The following CLIC5 variants were observed in gnomAD, a reference collection of about 807,000 sequenced individuals.
The protein encoded by CLIC5 is CLIC family member 5.
CLIC5 carries 20 observed loss-of-function variants against 24.7 expected under a neutral mutation model. The observed-to-expected ratio is 0.81, with a 90% confidence interval of 0.57 to 1.18. The LOEUF is 1.18. CLIC5 is among the 50% of genes most tolerant of loss of function. CLIC5 has a pLI of 0.00. For synonymous variants in CLIC5, 159 were observed against 135.6 expected, an observed-to-expected ratio of 1.17 and a Z score of -1.20; for missense variants, 341 against 326.1, an observed-to-expected ratio of 1.05 and a Z score of -0.35.
intron 1 of CLIC5, among the ~76,000 whole-genome samples, chr6:46,072,966 G>A (rs1346676996): frequency 1.3e-5 from 2 of 152,124 alleles, no homozygotes; most frequent in Non-Finnish European, 1.5e-5. Context: ...CCCAGGCTAG[G>A]AATGCCGATA....
the CLIC5 span, chr6:46,097,268 T>C: frequency 6.6e-6 from 1 of 152,208 alleles, no homozygotes; most frequent in African/African-American, 2.4e-5. Flanking sequence ...TAGCAAATGT[T>C]TATTGTAGAA....
intron 1 of CLIC5, among the ~76,000 whole-genome samples, chr6:45,994,770 C>T (rs1766068362): frequency 6.6e-6 from 1 of 152,162 alleles, no homozygotes; most frequent in Non-Finnish European, 1.5e-5. Context: ...GTGCCTACAC[C>T]TTTGACCTCC....
At chr6:45,924,363 G>A (rs1329423518) in intron 4 of CLIC5, among the ~76,000 whole-genome samples, 2 of 152,098 alleles carry the variant, frequency 1.3e-5, no homozygotes, top group African/African-American at 2.4e-5. Flanking sequence ...TATGCTACAA[G>A]TACACCTGGA....
chr6:46,103,922 G>A, the CLIC5 span, among the ~76,000 whole-genome samples: 1 of 152,066 alleles, frequency 6.6e-6, no homozygotes, highest in Admixed American at 6.6e-5. Flanking sequence ...CCCAGCCTCT[G>A]TTTGTCTCTC....
chr6:46,068,908 A>C (rs1762514227), intron 1 of CLIC5, among the ~76,000 whole-genome samples: 1 of 152,104 alleles, frequency 6.6e-6, no homozygotes, highest in Non-Finnish European at 1.5e-5. Context: ...TGTTTAAGCC[A>C]CCCAGTTTGA....
chr6:46,072,965 G>A (rs1225957488), intron 1 of CLIC5, among the ~76,000 whole-genome samples: 2 of 152,124 alleles, frequency 1.3e-5, no homozygotes, highest in Admixed American at 6.5e-5. Flanking sequence ...TCCCAGGCTA[G>A]GAATGCCGAT....
At chr6:46,087,147 A>AT in the CLIC5 span, among the ~76,000 whole-genome samples, 1 of 152,158 alleles carries the variant, frequency 6.6e-6, no homozygotes, top group African/African-American at 2.4e-5. Flanking sequence ...TCATGATTAC[A>AT]TTGGTTGGCC....
chr6:45,911,065 C>A (rs1762802650), intron 5 of CLIC5, among the ~76,000 whole-genome samples: 2 of 152,208 alleles, frequency 1.3e-5, no homozygotes, highest in Admixed American at 1.3e-4. Flanking sequence ...AGCTGAGCAT[C>A]ACTTTCACCG....
chr6:45,978,695 G>A lies in CLIC5; in HGVS notation c.64-23451C>T, dbSNP rs150658799. On this transcript the variant is annotated intron_variant, in intron 1 of 5. Transcript: ENST00000339561. ...TATGAGGCTGGGCGCAGTGGCTCAT[G>A]CCTGTAATCCCAGTACTTTGGGAGG... is the stretch of plus-strand genomic sequence containing the variant. Among the ~76,000 whole-genome samples, 664 of 152,320 alleles carry A rather than the reference G, an allele frequency of 4.4e-3. 3 individuals carry two copies. The highest frequency in any genetic ancestry group is 0.015 in the African/African-American group (623 of 41,596).
At chr6:46,086,592 A>C in the CLIC5 span, among the ~76,000 whole-genome samples, 1 of 152,214 alleles carries the variant, frequency 6.6e-6, no homozygotes, top group African/African-American at 2.4e-5. Context: ...CTAAGATCAG[A>C]AATCTGAATT....
chr6:45,916,216 C>T (rs898980400), intron 4 of CLIC5, among the ~76,000 whole-genome samples: 1 of 152,198 alleles, frequency 6.6e-6, no homozygotes, highest in Non-Finnish European at 1.5e-5. Context: ...TTTCTTCTCC[C>T]TGGTGTGGCA....
chr6:45,925,152 G>A (rs1046736075), intron 4 of CLIC5, among the ~76,000 whole-genome samples: 1 of 152,146 alleles, frequency 6.6e-6, no homozygotes, highest in Non-Finnish European at 1.5e-5. Context: ...TTTATCAAGA[G>A]TGCTTAGAAC....
chr6:46,083,761 G>T (rs1762972588), upstream of CLIC5, among the ~76,000 whole-genome samples: 1 of 152,022 alleles, frequency 6.6e-6, no homozygotes, highest in Admixed American at 6.6e-5. Flanking sequence ...GTTGATTTGG[G>T]GTGGAGAGTT....
intron 1 of CLIC5, among the ~76,000 whole-genome samples, chr6:46,008,860 C>T (rs1013076256): frequency 4.6e-5 from 7 of 152,160 alleles, no homozygotes; most frequent in Non-Finnish European, 1.0e-4. Flanking sequence ...CTGTGAAATG[C>T]TTGTTTGAAG....
At chr6:45,913,906 G>C in intron 5 of CLIC5, 1 of 805,928 alleles carries the variant, frequency 1.2e-6, no homozygotes, top group Middle Eastern at 4.1e-4. Flanking sequence ...CCTTTGGAGT[G>C]ATATGACTGT....
rs1180340559 is a variant in CLIC5 at position 45,900,961 on chromosome 6, T to G, written c.*2127A>C. The G allele has an allele frequency of 6.6e-6, 1 of 152,238 alleles. No homozygotes were observed. Among genetic ancestry groups the G allele is most frequent in the Non-Finnish European group, 1.5e-5 (1 of 68,054 alleles). 9.4% of individuals were successfully genotyped at this position (152,238 alleles called of 1,614,324 possible). A position where few individuals can be genotyped will look rare whatever the true frequency, so the allele number is the denominator to read the frequency against. On this transcript the variant is annotated 3_prime_UTR_variant, in exon 6 of 6. Coordinates refer to ENST00000339561, the MANE Select transcript of CLIC5 (RefSeq NM_016929.5). ...TCACCGGAGGCTTGGTTCTGTTTTCTCTGTGGCAATTGGCTATGATTCACA... is the reference window on the plus strand; with the variant it reads ...TCACCGGAGGCTTGGTTCTGTTTTCGCTGTGGCAATTGGCTATGATTCACA...
At chr6:46,110,551 G>C in the CLIC5 span, among the ~76,000 whole-genome samples, 2 of 152,192 alleles carry the variant, frequency 1.3e-5, no homozygotes, top group Non-Finnish European at 2.9e-5. Flanking sequence ...TTTCAGGTAT[G>C]ACCAGACTGC....
intron 1 of CLIC5, among the ~76,000 whole-genome samples, chr6:45,985,535 T>C (rs1338467): frequency 0.38 from 58,234 of 151,896 alleles, 11,671 homozygotes; most frequent in African/African-American, 0.49. Flanking sequence ...TTGGAAATGC[T>C]TCTGTGTCCC....
chr6:46,029,698 C>T lies in CLIC5; in HGVS notation c.540+50005G>A, dbSNP rs1268790655. On this transcript the variant is annotated intron_variant, in intron 1 of 5. Transcript: ENST00000185206. Reference sequence around the variant, plus strand: ...TCTTCTTACAAAAAAAAAAGTGTATCCTTGGCTTTGACAGTGCAGCCCACA... The same window carrying T: ...TCTTCTTACAAAAAAAAAAGTGTATTCTTGGCTTTGACAGTGCAGCCCACA... 1.2e-4 allele frequency among the ~76,000 whole-genome samples: 18 copies of T among 152,090 alleles called. No individual in the cohort carries two copies. In the South Asian group the frequency reaches 1.5e-3, roughly 12 times the overall value.
Sources: allele counts gnomAD v4.1 joint callset (sites outside exome capture counted in the v4.1 genomes callset), GRCh38; gene constraint gnomAD v4.1.1; transcripts MANE v1.5; gene names NCBI Gene and HGNC (gene_info 2026-07-23, HGNC 2026-07-21).